FOSL2: variants seen among roughly 807,000 people sequenced by gnomAD.
The protein encoded by FOSL2 is FOS like 2, AP-1 transcription factor subunit.
FOSL2 carries 3 observed loss-of-function variants against 27.7 expected under a neutral mutation model. The observed-to-expected ratio is 0.11, with a 90% CI of 0.05 to 0.28. The LOEUF is 0.28. Among genes scored for constraint, FOSL2 ranks in the 10% least tolerant of loss-of-function variants. FOSL2 has a pLI of 1.00. For synonymous variants in FOSL2, 179 were observed against 190.1 expected (o/e 0.94, Z 0.48); for missense variants, 333 against 445.1 (o/e 0.75, Z 2.27).
At chr2:28,405,691 T>G (rs1427944155) in intron 2 of FOSL2, among the ~76,000 whole-genome samples, 3 of 151,382 alleles carry the variant, frequency 2.0e-5, no homozygotes, top group African/African-American at 4.8e-5. Context: ...CTTGTTGGTT[T>G]GTTCTGTTAA....
rs532686296 is a variant in FOSL2 at position 28,397,560 on chromosome 2, T to G, written c.102+3738T>G. 2.6e-5 allele frequency among the ~76,000 whole-genome samples: 4 copies of G among 152,354 alleles called. No homozygotes were observed. In the East Asian group the frequency reaches 5.8e-4, roughly 22 times the overall value. ...CAGTCATGTATTGTCTGAAAGGCAT[T>G]TGAATTTTCCTATCCAAAACGCTGA... On this transcript the variant is annotated intron_variant, in intron 1 of 3. Transcript: ENST00000264716.
rs1441681205 is a variant in FOSL2, at chr2:28,415,901, C to T, written c.*3453C>T. ...TCAAGGACTTATCCCCTACAATATT[C>T]TCCCACTCCATACTTCTCCTTCTAC... On this transcript the variant is annotated 3_prime_UTR_variant, in exon 4 of 4. Transcript: ENST00000264716. 1 of 152,204 alleles carries T rather than the reference C, an allele frequency of 6.6e-6. No individual in the cohort carries two copies. Among genetic ancestry groups the T allele is most frequent in the Non-Finnish European group, 1.5e-5 (1 of 68,042 alleles). The allele number at this position is 152,204 out of a possible 1,614,324, so 9.4% of individuals were successfully genotyped here.
chr2:28,394,017 G>T (rs569585784), intron 1 of FOSL2, among the ~76,000 whole-genome samples, 195 bp downstream of exon 1: 39 of 148,528 alleles, frequency 2.6e-4, no homozygotes, highest in African/African-American at 8.9e-4. Flanking sequence ...TGGGCTTGAA[G>T]AGACAACATG....
chr2:28,402,134 C>A (rs994511086), intron 1 of FOSL2, among the ~76,000 whole-genome samples: 4 of 152,216 alleles, frequency 2.6e-5, no homozygotes, highest in African/African-American at 9.6e-5. Context: ...CTCCAGAATC[C>A]CAGAACCCAT....
At position 28,416,952 on chromosome 2, in the gene FOSL2, T is replaced by C. The variant is rs960162477; in HGVS notation, c.*4504T>C. The C allele has an allele frequency of 6.7e-6, 1 of 149,520 alleles. No individual in the cohort carries two copies. Among genetic ancestry groups the C allele is most frequent in the Admixed American group, 6.6e-5 (1 of 15,050 alleles). The allele number at this position is 149,520 out of a possible 1,614,324, so 9.3% of individuals were successfully genotyped here. A position where few individuals can be genotyped will look rare whatever the true frequency, so the allele number is the denominator to read the frequency against. On this transcript the variant is annotated 3_prime_UTR_variant, in exon 4 of 4. Transcript: ENST00000264716. ...AATTTAATTACCTTTCTGGGCACTTTTTTTTTTTTTTTTTTTTTAAGTAAT... is the reference window on the plus strand; with the variant it reads ...AATTTAATTACCTTTCTGGGCACTTCTTTTTTTTTTTTTTTTTTAAGTAAT...
In FOSL2 at chr2:28,404,093, T is replaced by C. The variant is rs1434764612; in HGVS notation, c.103-14T>C. The C allele has an allele frequency of 2.5e-6, 4 of 1,613,774 alleles. No individual in the cohort carries two copies. In the Admixed American group the frequency reaches 5.0e-5, roughly 20 times the overall value. On this transcript the variant is annotated splice_polypyrimidine_tract_variant and intron_variant, in intron 1 of 3. Transcript: ENST00000264716. The surrounding 1 kb of genome is among the most constrained non-coding windows in gnomAD (Gnocchi z 4.7). The stretch of plus-strand genomic sequence containing the variant: ...TATTTATTGGCTCATTTGTATTTTT[T>C]TTCCTCATTTCAGAAATTCCGGGTA...
chr2:28,403,484 A>T (rs549692368), intron 1 of FOSL2, among the ~76,000 whole-genome samples: 1 of 152,238 alleles, frequency 6.6e-6, no homozygotes, highest in Admixed American at 6.5e-5. Context: ...ACAGCAAGGG[A>T]TGTCTGGCTG....
rs770844148 is a variant in FOSL2 at position 28,412,195 on chromosome 2, G to A, written c.728G>A (p.Arg243His). The A allele has an allele frequency of 9.9e-6, 16 of 1,612,026 alleles. No individual in the cohort carries two copies. In the Admixed American group the frequency reaches 1.3e-4, roughly 13 times the overall value. Residue 243 changes from arginine to histidine, a missense_variant, in exon 4 of 4, where the codon CGC becomes CAC. Transcript: ENST00000264716. This position sits in a 1 kb window ranked among gnomAD's most constrained non-coding sequence, Gnocchi z 7.1. The part of the protein sequence containing the change: ...SSSAGLDKAQ[R>H]SVIKPISIAG... ...TCGGCGGGGCTGGACAAGGCCCAGC[G>A]CTCTGTCATCAAGCCCATCAGCATT...
At chr2:28,397,203 TTAAAGTATAATAAAAAA>T (rs2148078113) in intron 1 of FOSL2, 1 of 152,254 alleles carries the variant, frequency 6.6e-6, no homozygotes, top group East Asian at 1.9e-4. Flanking sequence ...ACCCTAGAAC[TTAAAGTATAATAAAAAA>T]TAAAAATAAA....
chr2:28,401,484 A>G (rs1033997746), intron 1 of FOSL2, among the ~76,000 whole-genome samples: 4 of 152,100 alleles, frequency 2.6e-5, no homozygotes, highest in African/African-American at 9.7e-5. Flanking sequence ...TGAGTCCTTG[A>G]GCCCAGGGCA....
In FOSL2 at chr2:28,393,297, G is replaced by A. The variant is rs1399618139; in HGVS notation, c.-424G>A. ...CGCCTTTTTGGCCCTGTCTGAAATC[G>A]GGGGTCCCCAGGGCTGGCAGGCCAG... On this transcript the variant is annotated 5_prime_UTR_variant, in exon 1 of 4. Coordinates refer to ENST00000264716, the MANE Select transcript of FOSL2 (RefSeq NM_005253.4). This position sits in a 1 kb window ranked among gnomAD's most constrained non-coding sequence, Gnocchi z 4.6. 5 of 208,270 alleles carry A rather than the reference G, an allele frequency of 2.4e-5. No homozygotes were observed. The highest frequency in any genetic ancestry group is 4.7e-5 in the Non-Finnish European group (5 of 106,068). The allele number at this position is 208,270 out of a possible 1,614,324, so 12.9% of individuals were successfully genotyped here.
At chr2:28,398,321 A>T (rs1048835955) in intron 1 of FOSL2, among the ~76,000 whole-genome samples, 1 of 152,158 alleles carries the variant, frequency 6.6e-6, no homozygotes, top group Non-Finnish European at 1.5e-5. Flanking sequence ...TGGGCCAGAG[A>T]GGGAAGGTAT....
Position 28,393,256 on chromosome 2 carries a change from G to T in FOSL2, c.-465G>T, listed in dbSNP as rs1375230511. 4.8e-6 allele frequency: 1 copy of T among 210,454 alleles called. No individual in the cohort carries two copies. The highest frequency in any genetic ancestry group is 1.1e-4 in the South Asian group (1 of 9,222). 13.0% of individuals were successfully genotyped at this position (210,454 alleles called of 1,614,324 possible). A position where few individuals can be genotyped will look rare whatever the true frequency, so the allele number is the denominator to read the frequency against. On this transcript the variant is annotated 5_prime_UTR_variant, in exon 1 of 4. Coordinates refer to ENST00000264716, the MANE Select transcript of FOSL2 (RefSeq NM_005253.4). The surrounding 1 kb of genome is among the most constrained non-coding windows in gnomAD (Gnocchi z 4.6). ...GGAAGAAACAGAAGTTTCTCCCAGC[G>T]GACAGCTTTTCTTTCCGCCTTTTTG...
chr2:28,398,842 C>G (rs1362031495), intron 1 of FOSL2, among the ~76,000 whole-genome samples: 2 of 152,208 alleles, frequency 1.3e-5, no homozygotes, highest in African/African-American at 2.4e-5. Flanking sequence ...ATGTTCAACG[C>G]AGAACCTGTG....
chr2:28,392,941 A>AGAGG lies in FOSL2; in HGVS notation c.-776_-773dup, dbSNP rs556774052. 1.4e-4 allele frequency: 96 copies of AGAGG among 700,404 alleles called. No individual in the cohort carries two copies. The highest frequency in any genetic ancestry group is 1.3e-3 in the South Asian group (89 of 66,952). 43.4% of individuals were successfully genotyped at this position (700,404 alleles called of 1,614,324 possible). A position where few individuals can be genotyped will look rare whatever the true frequency, so the allele number is the denominator to read the frequency against. Reference sequence around the variant, plus strand: ...CGAGCGGCGCTCGGCGGGGACAGAAAGAGGGAGAGAGAGAGAGAGAGAGAG... The same window carrying AGAGG: ...CGAGCGGCGCTCGGCGGGGACAGAAAGAGGGAGGGAGAGAGAGAGAGAGAGAGAG... On this transcript the variant is annotated 5_prime_UTR_variant, in exon 1 of 4. Coordinates refer to ENST00000264716, the MANE Select transcript of FOSL2 (RefSeq NM_005253.4).
At chr2:28,410,540 G>A (rs79077874) in intron 3 of FOSL2, 5 of 985,296 alleles carry the variant, frequency 5.1e-6, no homozygotes, top group Non-Finnish European at 4.8e-6. Flanking sequence ...TTTCACTCCG[G>A]AATATGCTGT....
At chr2:28,399,253 C>T (rs2148080410) in intron 1 of FOSL2, among the ~76,000 whole-genome samples, 1 of 152,338 alleles carries the variant, frequency 6.6e-6, no homozygotes, top group Admixed American at 6.5e-5. Flanking sequence ...ATCTCACATA[C>T]CAGTTCTGCC....
intron 1 of FOSL2, among the ~76,000 whole-genome samples, chr2:28,401,556 A>G (rs1663973864): frequency 6.6e-6 from 1 of 150,952 alleles, no homozygotes; most frequent in Non-Finnish European, 1.5e-5. Flanking sequence ...TGCAGTGTTG[A>G]CTCCCCGCCC....
intron 1 of FOSL2, among the ~76,000 whole-genome samples, chr2:28,401,777 G>T (rs945893963): frequency 8.5e-5 from 13 of 152,130 alleles, no homozygotes; most frequent in African/African-American, 3.1e-4. Flanking sequence ...CTGCTTTTCA[G>T]TCAGCGCCTG....
Sources: gnomAD v4.1 joint callset for allele counts (sites outside exome capture counted in the v4.1 genomes callset) on GRCh38, gnomAD v4.1.1 for gene constraint, Gnocchi (gnomAD v3.1) non-coding constraint, MANE v1.5 for transcripts, NCBI Gene and HGNC (gene_info 2026-07-23, HGNC 2026-07-21) for gene names.